Variants in CADM2 observed in about 807,000 individuals in gnomAD.
The protein encoded by CADM2 is immunoglobulin superfamily member 4D.
In CADM2, 12 loss-of-function variants were observed where a neutral mutation model predicts 49.8. That is an observed-to-expected ratio of 0.24 (90% confidence interval 0.15 to 0.39). The LOEUF is 0.39. Among genes scored for constraint, CADM2 ranks in the 10% least tolerant of loss-of-function variants. The pLI, the probability that CADM2 is intolerant of heterozygous loss-of-function variation, is 1.00. For synonymous variants in CADM2, 214 were observed against 175.4 expected (o/e 1.22, Z -1.74); for missense variants, 378 against 492.3 (o/e 0.77, Z 2.20).
chr3:85,603,430 A>G (rs1418169538), intron 1 of CADM2, among the ~76,000 whole-genome samples: 1 of 151,916 alleles, frequency 6.6e-6, no homozygotes, highest in African/African-American at 2.4e-5. Context: ...TTGTTAGCCT[A>G]CACATTTGTT....
At chr3:85,784,801 A>G (rs2070882422) in intron 2 of CADM2, among the ~76,000 whole-genome samples, 3 of 152,196 alleles carry the variant, frequency 2.0e-5, no homozygotes, top group African/African-American at 7.2e-5. Context: ...CTGGTCTCAT[A>G]GGATGAGTTT....
At chr3:85,056,498 G>A (rs886630393) in intron 1 of CADM2, among the ~76,000 whole-genome samples, 1 of 151,974 alleles carries the variant, frequency 6.6e-6, no homozygotes, top group African/African-American at 2.4e-5. Flanking sequence ...TTGAAATAGT[G>A]ATGTTAACAG....
At chr3:85,474,111 T>C (rs74370311) in intron 1 of CADM2, among the ~76,000 whole-genome samples, 8,075 of 151,976 alleles carry the variant, frequency 0.053, 347 homozygotes, top group Non-Finnish European at 0.071. Flanking sequence ...TTGTATTAGT[T>C]AGGGATCTCC....
chr3:84,982,702 C>CATATATATATATATATATAT (rs71104999), intron 1 of CADM2, among the ~76,000 whole-genome samples: 3 of 76,316 alleles, frequency 3.9e-5, no homozygotes, highest in African/African-American at 5.9e-5. Flanking sequence ...AACTATAAAG[C>CATATATATATATATATATAT]ATATATATAT....
chr3:85,981,850 A>G (rs1727525274), intron 8 of CADM2, among the ~76,000 whole-genome samples: 1 of 151,678 alleles, frequency 6.6e-6, no homozygotes, highest in Admixed American at 6.6e-5. Flanking sequence ...AGAACAATTT[A>G]TATTCTTTTG....
chr3:85,485,431 T>C (rs2039377972), intron 1 of CADM2, among the ~76,000 whole-genome samples: 2 of 151,992 alleles, frequency 1.3e-5, no homozygotes, highest in Non-Finnish European at 2.9e-5. Context: ...TATTCAGACA[T>C]AGGCTTTAAA....
intron 1 of CADM2, among the ~76,000 whole-genome samples, chr3:85,284,958 C>T (rs992877771): frequency 1.3e-5 from 2 of 152,036 alleles, no homozygotes; most frequent in South Asian, 2.1e-4. Context: ...TGGTAGCCTA[C>T]TGAAATAATT....
chr3:85,112,410 A>G (rs542418862), intron 1 of CADM2, among the ~76,000 whole-genome samples: 1 of 151,466 alleles, frequency 6.6e-6, no homozygotes, highest in Non-Finnish European at 1.5e-5. Flanking sequence ...AAGTACACGT[A>G]TAAGTAAACT....
Position 85,083,159 on chromosome 3 carries a change from A to G in CADM2, c.61+123491A>G, listed in dbSNP as rs72903394. Among the ~76,000 whole-genome samples, 1,065 of 152,242 alleles carry G rather than the reference A, an allele frequency of 7.0e-3. 17 individuals carry two copies. The highest frequency in any genetic ancestry group is 0.024 in the African/African-American group (995 of 41,560). On this transcript the variant is annotated intron_variant, in intron 1 of 9. Transcript: ENST00000383699. ...TACATGTGTTATGGAAACACATCAT[A>G]CATATATCATGTCTGTCCTCTAAAT...
chr3:85,326,844 T>G (rs913635907), intron 1 of CADM2, among the ~76,000 whole-genome samples: 3 of 152,132 alleles, frequency 2.0e-5, no homozygotes, highest in African/African-American at 7.2e-5. Flanking sequence ...GTGGCAGTAA[T>G]TACACTATTT....
chr3:85,078,958 T>C (rs574918298), intron 1 of CADM2, among the ~76,000 whole-genome samples: 11 of 151,500 alleles, frequency 7.3e-5, no homozygotes, highest in Non-Finnish European at 1.6e-4. Flanking sequence ...AACTACCTTA[T>C]AAAAAAAAGA....
chr3:86,014,429 T>A (rs1483665281), intron 8 of CADM2: 3 of 1,484,118 alleles, frequency 2.0e-6, no homozygotes, highest in Non-Finnish European at 2.7e-6. Context: ...TTGAAGTTTA[T>A]CATGAATTTT....
intron 1 of CADM2, among the ~76,000 whole-genome samples, chr3:85,151,339 T>G (rs1005164983): frequency 1.3e-5 from 2 of 152,150 alleles, no homozygotes; most frequent in African/African-American, 4.8e-5. Context: ...TTTTCACTTC[T>G]GCTTTTACTT....
At chr3:85,538,880 G>C (rs1016006535) in intron 1 of CADM2, among the ~76,000 whole-genome samples, 26 of 148,740 alleles carry the variant, frequency 1.7e-4, no homozygotes, top group African/African-American at 6.3e-4. Flanking sequence ...ATAATATCGT[G>C]AGTTGAATAC....
At chr3:85,580,361 C>T (rs781695706) in intron 1 of CADM2, among the ~76,000 whole-genome samples, 3 of 152,024 alleles carry the variant, frequency 2.0e-5, no homozygotes, top group South Asian at 4.2e-4. Context: ...ATAACCTTTC[C>T]GATGCATCTT....
At chr3:85,329,620 T>C (rs2044857720) in intron 1 of CADM2, among the ~76,000 whole-genome samples, 1 of 151,874 alleles carries the variant, frequency 6.6e-6, no homozygotes, top group African/African-American at 2.4e-5. Flanking sequence ...AAAAAACAAA[T>C]ACACATCATA....
At chr3:85,139,634 G>A (rs928255945) in intron 1 of CADM2, among the ~76,000 whole-genome samples, 1 of 151,874 alleles carries the variant, frequency 6.6e-6, no homozygotes. Flanking sequence ...ATAGGTTACT[G>A]TGCAAAGAAG....
chr3:85,850,813 A>C (rs940770004), intron 3 of CADM2, among the ~76,000 whole-genome samples: 1 of 152,172 alleles, frequency 6.6e-6, no homozygotes, highest in African/African-American at 2.4e-5. Context: ...AAGCTTTGTG[A>C]AAGCAAAGAT....
intron 1 of CADM2, among the ~76,000 whole-genome samples, chr3:85,346,563 A>C (rs975030619): frequency 2.0e-5 from 3 of 152,180 alleles, no homozygotes; most frequent in Non-Finnish European, 2.9e-5. Flanking sequence ...TTGAATAAAA[A>C]TATTATTAAT....
Sources: gnomAD v4.1 joint callset for allele counts (sites outside exome capture counted in the v4.1 genomes callset) on GRCh38, gnomAD v4.1.1 for gene constraint, MANE v1.5 for transcripts, NCBI Gene and HGNC (gene_info 2026-07-23, HGNC 2026-07-21) for gene names.